Variants in BICD1 observed in about 807,000 individuals in gnomAD.
BICD1 encodes the protein protein bicaudal D homolog 1.
BICD1 carries 35 observed loss-of-function variants against 92.5 expected under a neutral mutation model. That is an observed-to-expected ratio of 0.38 (90% CI 0.29 to 0.50). The LOEUF is 0.50. Among genes scored for constraint, BICD1 ranks in the 20% least tolerant of loss-of-function variants. The pLI is 0.93. For missense variants in BICD1, 950 were observed against 1,189.8 expected (o/e 0.80, Z 2.97); for synonymous variants, 429 against 465.1 (o/e 0.92, Z 1.00).
chr12:32,351,164 T>TAAA (rs71445892), intron 8 of BICD1, among the ~76,000 whole-genome samples: 152 of 137,816 alleles, frequency 1.1e-3, no homozygotes, highest in East Asian at 2.3e-3. Context: ...AATAATTACT[T>TAAA]AAAAAAAAAA....
At chr12:32,217,224 A>G (rs561098512) in intron 2 of BICD1, among the ~76,000 whole-genome samples, 64 of 152,348 alleles carry the variant, frequency 4.2e-4, no homozygotes, top group Middle Eastern at 6.8e-3. Flanking sequence ...TGAAAGCTAT[A>G]GAAGAGACGC....
chr12:32,344,166 A>G (rs1203977026), intron 8 of BICD1, among the ~76,000 whole-genome samples: 1 of 152,248 alleles, frequency 6.6e-6, no homozygotes, highest in East Asian at 1.9e-4. Flanking sequence ...TAGGATGGTT[A>G]GGAACGTCCT....
At chr12:32,150,415 T>C (rs7307581) in intron 1 of BICD1, among the ~76,000 whole-genome samples, 1,805 of 152,292 alleles carry the variant, frequency 0.012, 36 homozygotes, top group African/African-American at 0.042. Flanking sequence ...AAATTTAGCT[T>C]GGGCTTTCTT....
At chr12:32,110,280 A>T (rs929496589) in intron 1 of BICD1, among the ~76,000 whole-genome samples, 1 of 152,008 alleles carries the variant, frequency 6.6e-6, no homozygotes, top group African/African-American at 2.4e-5. Flanking sequence ...AATTCATTAA[A>T]TTTTTTTCCT....
chr12:32,157,656 C>T (rs1221898999), intron 1 of BICD1, among the ~76,000 whole-genome samples: 1 of 152,180 alleles, frequency 6.6e-6, no homozygotes, highest in African/African-American at 2.4e-5. Flanking sequence ...AATTTCCTTG[C>T]CACCATTCCC....
intron 1 of BICD1, among the ~76,000 whole-genome samples, chr12:32,214,263 CT>C (rs1048962110): frequency 6.6e-6 from 1 of 152,136 alleles, no homozygotes; most frequent in African/African-American, 2.4e-5. Flanking sequence ...GACCCTAGTT[CT>C]TTTTACTGTA....
At chr12:32,117,708 A>ATG (rs879616755) in intron 1 of BICD1, among the ~76,000 whole-genome samples, 1 of 56,096 alleles carries the variant, frequency 1.8e-5, no homozygotes, top group African/African-American at 9.3e-5. Flanking sequence ...ACACAAATAT[A>ATG]TATACACACA....
chr12:32,260,482 A>G (rs1946829320), intron 2 of BICD1, among the ~76,000 whole-genome samples: 1 of 152,176 alleles, frequency 6.6e-6, no homozygotes, highest in African/African-American at 2.4e-5. Flanking sequence ...TTACATTGCT[A>G]CCAAGGACTC....
intron 1 of BICD1, among the ~76,000 whole-genome samples, chr12:32,177,667 G>A (rs1412680157): frequency 4.1e-5 from 2 of 49,150 alleles, no homozygotes; most frequent in African/African-American, 1.7e-4. Flanking sequence ...AAGGAAACAG[G>A]GATAAAGAAA....
chr12:32,244,629 ATTTTT>A (rs57854307), intron 2 of BICD1, among the ~76,000 whole-genome samples: 1 of 135,694 alleles, frequency 7.4e-6, no homozygotes. Flanking sequence ...TTGATATAGG[ATTTTT>A]TTTTTTTTTT....
chr12:32,126,814 C>T (rs1204662981), intron 1 of BICD1, among the ~76,000 whole-genome samples: 3 of 152,060 alleles, frequency 2.0e-5, no homozygotes, highest in Admixed American at 1.3e-4. Context: ...TATAAATATA[C>T]AAGGAACAGG....
At chr12:32,229,191 C>T (rs1435430450) in intron 2 of BICD1, among the ~76,000 whole-genome samples, 2 of 152,146 alleles carry the variant, frequency 1.3e-5, no homozygotes, top group Non-Finnish European at 2.9e-5. Flanking sequence ...GTGGAGGTTG[C>T]AGTGAGCCGA....
chr12:32,319,093 G>C (rs1948581684), intron 4 of BICD1, among the ~76,000 whole-genome samples: 1 of 152,076 alleles, frequency 6.6e-6, no homozygotes, highest in South Asian at 2.1e-4. Flanking sequence ...TGCAAATAAA[G>C]ATCATTTTAC....
rs1020536842 is a variant in BICD1 at position 32,267,572 on chromosome 12, A to G, written c.427-26422A>G. Among the ~76,000 whole-genome samples, 4 of 152,350 alleles carry G rather than the reference A, an allele frequency of 2.6e-5. No homozygotes were observed. The East Asian group carries it at 5.8e-4, about 22-fold the overall frequency. On this transcript the variant is annotated intron_variant, in intron 2 of 9. Transcript: ENST00000652176. ...TATTGTAAATGATGTTTGAATGAAC[A>G]GAAGTATGGAATTTTAATGTAGTTA...
At chr12:32,139,038 T>G (rs552513870) in intron 1 of BICD1, among the ~76,000 whole-genome samples, 1 of 152,312 alleles carries the variant, frequency 6.6e-6, no homozygotes, top group Non-Finnish European at 1.5e-5. Context: ...TGCATGTATA[T>G]TAATTCCATA....
At chr12:32,377,328 T>A (rs533311898) in intron 9 of BICD1, among the ~76,000 whole-genome samples, 15 of 152,306 alleles carry the variant, frequency 9.8e-5, no homozygotes, top group Non-Finnish European at 2.2e-4. Flanking sequence ...AGAGTGCATA[T>A]ATCATTTCCT....
chr12:32,287,655 G>A (rs1947608758), intron 2 of BICD1, among the ~76,000 whole-genome samples: 1 of 151,676 alleles, frequency 6.6e-6, no homozygotes, highest in Admixed American at 6.6e-5. Context: ...TCCTGCCTCA[G>A]CCTCCCAAGT....
At position 32,191,574 on chromosome 12, in the gene BICD1, A is replaced by G. The variant is rs1481273835; in HGVS notation, c.214-24673A>G. ...AGTTTTTCATTATTGTATTATATATATAATATTATGTATATATAATATGTA... is the reference window on the plus strand; with the variant it reads ...AGTTTTTCATTATTGTATTATATATGTAATATTATGTATATATAATATGTA... On this transcript the variant is annotated intron_variant, in intron 1 of 9. Transcript: ENST00000652176. 2.0e-5 allele frequency among the ~76,000 whole-genome samples: 3 copies of G among 147,522 alleles called. No individual in the cohort carries two copies. In the Admixed American group the frequency reaches 2.1e-4, roughly 10 times the overall value.
chr12:32,251,149 A>G (rs987866674), intron 2 of BICD1, among the ~76,000 whole-genome samples: 3 of 152,202 alleles, frequency 2.0e-5, no homozygotes, highest in South Asian at 2.1e-4. Context: ...AAAGTTTGCC[A>G]TTACAAAGGG....
Sources: allele counts gnomAD v4.1 joint callset (sites outside exome capture counted in the v4.1 genomes callset), GRCh38; gene constraint gnomAD v4.1.1; transcripts MANE v1.5; gene names NCBI Gene and HGNC (gene_info 2026-07-23, HGNC 2026-07-21).